Variants in TMEM132C observed in about 807,000 individuals in gnomAD.
TMEM132C encodes protein phosphatase 1, regulatory subunit 152.
TMEM132C carries 29 observed loss-of-function variants against 61.4 expected under a neutral mutation model. The ratio of observed to expected loss-of-function variants is 0.47; its 90% CI spans 0.35 to 0.64. The LOEUF (loss-of-function observed/expected upper bound fraction) is 0.64. Ranked by LOEUF, TMEM132C falls within the 30% of genes least tolerant of loss-of-function variation. The pLI is 0.00. For synonymous variants in TMEM132C, 656 were observed against 633.1 expected (o/e 1.04, Z -0.54); for missense variants, 1,408 against 1,476.9 (o/e 0.95, Z 0.76).
At chr12:128,497,552 C>A (rs1427316548) in intron 2 of TMEM132C, among the ~76,000 whole-genome samples, 1 of 152,226 alleles carries the variant, frequency 6.6e-6, no homozygotes, top group East Asian at 1.9e-4. Flanking sequence ...CCCCCAGCCT[C>A]GCTGCTGCCT....
intron 5 of TMEM132C, among the ~76,000 whole-genome samples, chr12:128,686,107 CATGTGTGTGT>C (rs1261238104): frequency 1.1e-5 from 1 of 88,460 alleles, no homozygotes; most frequent in East Asian, 3.3e-4. Context: ...CATGTGTGTG[CATGTGTGTGT>C]GCATGTATGT....
In TMEM132C at chr12:128,371,932, T is replaced by G. The variant is rs566449784; in HGVS notation, c.86-42800T>G. Among the ~76,000 whole-genome samples the G allele has an allele frequency of 7.9e-5, 12 of 152,284 alleles. No individual in the cohort carries two copies. In the South Asian group the frequency reaches 2.5e-3, roughly 32 times the overall value. ...AAGTATGATTTATGTACTGTAAAAT[T>G]CACCCATTAAGTGTACAATTCAGTG... is the stretch of plus-strand genomic sequence containing the variant. On this transcript the variant is annotated intron_variant, in intron 1 of 8. Coordinates refer to ENST00000435159, the MANE Select transcript of TMEM132C (RefSeq NM_001136103.3).
intron 1 of TMEM132C, among the ~76,000 whole-genome samples, chr12:128,412,096 C>T (rs1321961803): frequency 1.3e-5 from 2 of 152,144 alleles, no homozygotes; most frequent in South Asian, 4.2e-4. Flanking sequence ...AAATATGTGT[C>T]CAAAATTACT....
chr12:128,382,810 A>G (rs1019495664), intron 1 of TMEM132C, among the ~76,000 whole-genome samples: 6 of 152,172 alleles, frequency 3.9e-5, no homozygotes, highest in Non-Finnish European at 7.4e-5. Flanking sequence ...CTCTTGGTCT[A>G]TGTTTCTGAG....
intron 1 of TMEM132C, among the ~76,000 whole-genome samples, chr12:128,283,261 T>C (rs146239703): frequency 1.3e-5 from 2 of 152,314 alleles, no homozygotes; most frequent in East Asian, 1.9e-4. Flanking sequence ...ATGTCCTCCT[T>C]CTTTAAGCAC....
At chr12:128,360,050 T>C (rs1873648685) in intron 1 of TMEM132C, among the ~76,000 whole-genome samples, 1 of 152,190 alleles carries the variant, frequency 6.6e-6, no homozygotes, top group African/African-American at 2.4e-5. Flanking sequence ...AGGTTGTGCC[T>C]GCATTTTGTT....
intron 2 of TMEM132C, among the ~76,000 whole-genome samples, chr12:128,484,155 C>T (rs1190670008): frequency 2.0e-5 from 3 of 152,138 alleles, no homozygotes; most frequent in Admixed American, 6.5e-5. Flanking sequence ...TGCCAGTGCA[C>T]GAGGATGAAG....
intron 2 of TMEM132C, among the ~76,000 whole-genome samples, chr12:128,472,219 C>T (rs146145931): frequency 1.0e-3 from 153 of 152,212 alleles, no homozygotes; most frequent in African/African-American, 3.4e-3. Flanking sequence ...ATGTTTGACA[C>T]CATGAGATAA....
chr12:128,539,366 C>T (rs1593091883), intron 2 of TMEM132C, among the ~76,000 whole-genome samples: 1 of 152,320 alleles, frequency 6.6e-6, no homozygotes, highest in South Asian at 2.1e-4. Context: ...CCTGTAATCC[C>T]AGCACTTTGA....
intron 2 of TMEM132C, among the ~76,000 whole-genome samples, chr12:128,513,832 G>A (rs376855875): frequency 4.6e-5 from 7 of 152,120 alleles, no homozygotes; most frequent in East Asian, 1.9e-4. Context: ...GCAGGGTATG[G>A]TCCAGGATAC....
intron 3 of TMEM132C, among the ~76,000 whole-genome samples, chr12:128,557,789 G>T (rs1045934800): frequency 1.3e-5 from 2 of 152,220 alleles, no homozygotes; most frequent in African/African-American, 4.8e-5. Context: ...CAAGACAGTG[G>T]CAAACTGCAG....
chr12:128,605,113 T>TGATAGATAGATAGATAGATA (rs3044839), intron 3 of TMEM132C, among the ~76,000 whole-genome samples: 12 of 151,040 alleles, frequency 7.9e-5, no homozygotes, highest in African/African-American at 2.4e-4. Context: ...GACAGATAAA[T>TGATAGATAGATAGATAGATA]GATAGATAGA....
At chr12:128,691,151 A>G (rs1954716638) in intron 5 of TMEM132C, among the ~76,000 whole-genome samples, 1 of 152,248 alleles carries the variant, frequency 6.6e-6, no homozygotes, top group Non-Finnish European at 1.5e-5. Context: ...TCATTAACTC[A>G]GAAATACTCC....
intron 3 of TMEM132C, among the ~76,000 whole-genome samples, chr12:128,588,058 A>C (rs961312246): frequency 6.6e-6 from 1 of 152,200 alleles, no homozygotes; most frequent in Non-Finnish European, 1.5e-5. Context: ...GGACAGAGGC[A>C]CTTTGGTGTA....
intron 3 of TMEM132C, among the ~76,000 whole-genome samples, chr12:128,604,835 GGATA>G (rs199957043): frequency 2.1e-3 from 269 of 128,770 alleles, no homozygotes; most frequent in Middle Eastern, 5.6e-3. Flanking sequence ...GATAATAGAT[GGATA>G]GATAGACAGA....
At chr12:128,339,089 CT>C (rs1872875281) in intron 1 of TMEM132C, among the ~76,000 whole-genome samples, 1 of 152,094 alleles carries the variant, frequency 6.6e-6, no homozygotes, top group Admixed American at 6.5e-5. Flanking sequence ...CTCTCTTCCC[CT>C]CTGCTGATTT....
chr12:128,450,117 A>G (rs1870130541), intron 2 of TMEM132C, among the ~76,000 whole-genome samples: 1 of 152,230 alleles, frequency 6.6e-6, no homozygotes, highest in African/African-American at 2.4e-5. Flanking sequence ...GTAATAGTCT[A>G]TATCAGTGCT....
intron 1 of TMEM132C, among the ~76,000 whole-genome samples, chr12:128,283,576 C>T (rs963771847): frequency 2.6e-5 from 4 of 152,072 alleles, no homozygotes; most frequent in Non-Finnish European, 5.9e-5. Context: ...ACTAACCTAT[C>T]CTAGCTATCT....
intron 3 of TMEM132C, among the ~76,000 whole-genome samples, chr12:128,564,829 T>G (rs929067205): frequency 3.3e-5 from 5 of 152,144 alleles, no homozygotes; most frequent in Admixed American, 6.5e-5. Flanking sequence ...AAGCCAGGGA[T>G]TCTTGTTTGT....
Sources: allele counts gnomAD v4.1 joint callset (sites outside exome capture counted in the v4.1 genomes callset), GRCh38; gene constraint gnomAD v4.1.1; transcripts MANE v1.5; gene names NCBI Gene and HGNC (gene_info 2026-07-23, HGNC 2026-07-21).